ZNF385B: variants seen among roughly 807,000 people sequenced by gnomAD.
ZNF385B encodes zinc finger protein 533.
A neutral mutation model predicts 39.2 loss-of-function variants in ZNF385B; 23 were observed. The observed-to-expected ratio is 0.59, with a 90% CI of 0.42 to 0.83. The LOEUF is 0.83. Ranked by LOEUF, ZNF385B falls within the 40% of genes least tolerant of loss-of-function variation. The probability of loss-of-function intolerance (pLI) is 0.00; values close to 1 mark genes in which losing one functional copy is unlikely to be tolerated. For synonymous variants in ZNF385B, 205 were observed against 222.6 expected, an observed-to-expected ratio of 0.92 and a Z score of 0.70; for missense variants, 552 against 598.9, an observed-to-expected ratio of 0.92 and a Z score of 0.82.
intron 6 of ZNF385B, among the ~76,000 whole-genome samples, chr2:179,457,589 G>A (rs900922948): frequency 6.6e-6 from 1 of 152,106 alleles, no homozygotes; most frequent in Non-Finnish European, 1.5e-5. Flanking sequence ...TGGAGGTGTG[G>A]TGGTATCTTC....
At chr2:179,857,253 A>G (rs979632941) in intron 1 of ZNF385B, among the ~76,000 whole-genome samples, 58 of 152,206 alleles carry the variant, frequency 3.8e-4, no homozygotes, top group African/African-American at 1.4e-3. Context: ...TTGATGTCCT[A>G]TGATATGGCA....
At chr2:179,851,958 A>G (rs1684200925) in intron 1 of ZNF385B, among the ~76,000 whole-genome samples, 2 of 152,222 alleles carry the variant, frequency 1.3e-5, no homozygotes, top group African/African-American at 4.8e-5. Flanking sequence ...ATTTTCCAAT[A>G]CAATATTAAA....
At chr2:179,608,882 GTGTGTGTGTGTGTA>G (rs1297749576) in intron 3 of ZNF385B, among the ~76,000 whole-genome samples, 1 of 114,238 alleles carries the variant, frequency 8.8e-6, no homozygotes, top group Non-Finnish European at 1.9e-5. Context: ...GTGTGTGTGT[GTGTGTGTGTGTGTA>G]TTTAATTTCA....
chr2:179,489,931 T>C (rs184843563), intron 5 of ZNF385B, among the ~76,000 whole-genome samples: 2 of 152,380 alleles, frequency 1.3e-5, no homozygotes, highest in African/African-American at 2.4e-5. Flanking sequence ...TCTTTGCTAA[T>C]TGCTAATTTA....
chr2:179,848,587 T>C (rs551373657), intron 1 of ZNF385B, among the ~76,000 whole-genome samples: 1 of 152,388 alleles, frequency 6.6e-6, no homozygotes, highest in South Asian at 2.1e-4. Context: ...AATTTTGATC[T>C]GGGTGAGATA....
At chr2:179,842,764 G>T (rs148819003) in intron 1 of ZNF385B, among the ~76,000 whole-genome samples, 1 of 152,086 alleles carries the variant, frequency 6.6e-6, no homozygotes, top group South Asian at 2.1e-4. Context: ...TCCATGTGCC[G>T]TTAGCCTCAT....
At chr2:179,538,648 G>T (rs978109211) in intron 4 of ZNF385B, among the ~76,000 whole-genome samples, 2 of 152,164 alleles carry the variant, frequency 1.3e-5, no homozygotes, top group Admixed American at 1.3e-4. Flanking sequence ...GAATCATACA[G>T]TGGTTTGGAA....
At position 179,783,157 on chromosome 2, in the gene ZNF385B, T is replaced by C. The variant is rs1704772693; in HGVS notation, c.-154-12485A>G. ...GTGCTTTGACCAATGGACCAGAATA[T>C]AGAGCCCAGAAATAAGGCCGTACAC... On this transcript the variant is annotated intron_variant, in intron 1 of 9. Coordinates refer to ENST00000410066, the MANE Select transcript of ZNF385B (RefSeq NM_152520.6). Among the ~76,000 whole-genome samples, 4 of 151,994 alleles carry C rather than the reference T, an allele frequency of 2.6e-5. No homozygotes were observed. The South Asian group carries it at 8.3e-4, about 32-fold the overall frequency.
intron 6 of ZNF385B, among the ~76,000 whole-genome samples, chr2:179,447,618 T>C (rs565903296): frequency 6.6e-6 from 1 of 152,308 alleles, no homozygotes; most frequent in South Asian, 2.1e-4. Flanking sequence ...TGGGGCTTTG[T>C]AAGCAACAGC....
chr2:179,457,927 T>C (rs1043991213), intron 6 of ZNF385B, among the ~76,000 whole-genome samples: 4 of 152,214 alleles, frequency 2.6e-5, no homozygotes, highest in Admixed American at 2.6e-4. Flanking sequence ...CTGTAGTCAT[T>C]CAATAAATGA....
intron 3 of ZNF385B, among the ~76,000 whole-genome samples, chr2:179,725,615 T>C (rs537944821): frequency 1.9e-4 from 29 of 151,484 alleles, no homozygotes; most frequent in African/African-American, 7.0e-4. Flanking sequence ...TCTCTAGCTT[T>C]GTCAGTTTCA....
At chr2:179,647,716 T>C (rs775580538) in intron 3 of ZNF385B, among the ~76,000 whole-genome samples, 3 of 152,022 alleles carry the variant, frequency 2.0e-5, no homozygotes, top group Non-Finnish European at 4.4e-5. Context: ...AGGCAAAACA[T>C]ACACTAACAA....
intron 4 of ZNF385B, among the ~76,000 whole-genome samples, chr2:179,523,521 G>T (rs2058658959): frequency 1.3e-5 from 2 of 151,964 alleles, no homozygotes; most frequent in South Asian, 4.2e-4. Context: ...AATCTAAGAT[G>T]GGGGCTGTGT....
chr2:179,674,397 C>G (rs1464221917), intron 3 of ZNF385B, among the ~76,000 whole-genome samples: 1 of 152,040 alleles, frequency 6.6e-6, no homozygotes, highest in African/African-American at 2.4e-5. Flanking sequence ...TTTAATTTGT[C>G]AAAAGTTAGG....
At chr2:179,786,190 T>C (rs1292466888) in intron 1 of ZNF385B, among the ~76,000 whole-genome samples, 1 of 152,174 alleles carries the variant, frequency 6.6e-6, no homozygotes, top group African/African-American at 2.4e-5. Flanking sequence ...GATTAGATTA[T>C]AGCATAAGCA....
At chr2:179,614,920 G>T (rs1416256271) in intron 3 of ZNF385B, among the ~76,000 whole-genome samples, 2 of 152,178 alleles carry the variant, frequency 1.3e-5, no homozygotes, top group Non-Finnish European at 2.9e-5. Context: ...ACTGCCAGTA[G>T]CATCAACATC....
intron 3 of ZNF385B, among the ~76,000 whole-genome samples, chr2:179,753,943 T>G (rs356411): frequency 0.98 from 149,768 of 152,120 alleles, 73,770 homozygotes; most frequent in Non-Finnish European, 1. Flanking sequence ...CTGCCTGATT[T>G]CCCTGGCCAG....
chr2:179,697,707 T>C (rs1698874308), intron 3 of ZNF385B, among the ~76,000 whole-genome samples: 1 of 152,204 alleles, frequency 6.6e-6, no homozygotes, highest in South Asian at 2.1e-4. Context: ...AAGGATGTGC[T>C]CTTTTCCTTT....
chr2:179,523,015 T>G (rs184672930), intron 4 of ZNF385B: 1 of 287,078 alleles, frequency 3.5e-6, no homozygotes, highest in East Asian at 1.1e-4. Flanking sequence ...CTTGCTTTTC[T>G]TTGAGTAAAA....
Sources: gnomAD v4.1 joint callset for allele counts (sites outside exome capture counted in the v4.1 genomes callset) on GRCh38, gnomAD v4.1.1 for gene constraint, MANE v1.5 for transcripts, NCBI Gene and HGNC (gene_info 2026-07-23, HGNC 2026-07-21) for gene names.